Variants in POLR3A observed in about 807,000 individuals in gnomAD.
POLR3A encodes DNA-directed RNA polymerase III subunit RPC1.
In POLR3A, 112 loss-of-function variants were observed where a neutral mutation model predicts 152.8. The observed-to-expected ratio is 0.73, with a 90% CI of 0.63 to 0.86. POLR3A has a LOEUF of 0.86. Ranked by LOEUF, POLR3A falls within the 40% of genes least tolerant of loss-of-function variation. The pLI, the probability that POLR3A is intolerant of heterozygous loss-of-function variation, is 0.00. For missense variants in POLR3A, 1,385 were observed against 1,743.1 expected (o/e 0.79, Z 3.66); for synonymous variants, 615 against 652.1 (o/e 0.94, Z 0.87).
At position 78,022,270 on chromosome 10, in the gene POLR3A, G is replaced by A. The variant is rs141659018; in HGVS notation, c.760C>T (p.Arg254Ter). Residue 254 changes from arginine (R) to a stop codon, truncating the protein, a stop_gained, in exon 6 of 31, where the codon CGA (arginine) becomes TGA (stop). Coordinates refer to ENST00000372371, the MANE Select transcript of POLR3A (RefSeq NM_007055.4). LOFTEE classifies it high-confidence loss of function. Reference sequence around the variant, plus strand: ...ATACACAAAGGAGGCACCAAAAGTCGTGTGAGAATCAAATCAGACGGCTTT... The same window carrying A: ...ATACACAAAGGAGGCACCAAAAGTCATGTGAGAATCAAATCAGACGGCTTT... ...AGKPSDLILT[R>*]LLVPPLCIRP... 87 of 1,614,224 alleles carry A rather than the reference G, an allele frequency of 5.4e-5. No homozygotes were observed. The highest frequency in any genetic ancestry group is 1.6e-4 in the Middle Eastern group (1 of 6,062).
chr10:78,001,048 C>T lies in POLR3A; in HGVS notation c.2406G>A (p.Gln802=), dbSNP rs1847352094. ...ISQMIACVGQ[Q]AISGSRVPDG... ...CTGGCACTCGAGAGCCACTGATGGCCTGCTGTCCCACACAGGCAATCATCT... is the reference window on the plus strand; with the variant it reads ...CTGGCACTCGAGAGCCACTGATGGCTTGCTGTCCCACACAGGCAATCATCT... Residue 802 remains glutamine (Q), a synonymous_variant, in exon 18 of 31, where the codon CAG becomes CAA. Coordinates refer to ENST00000372371, the MANE Select transcript of POLR3A (RefSeq NM_007055.4). 1 of 1,612,240 alleles carries T rather than the reference C, an allele frequency of 6.2e-7. No individual in the cohort carries two copies. The highest frequency in any genetic ancestry group is 1.3e-5 in the African/African-American group (1 of 75,010).
chr10:78,002,710 A>T lies in POLR3A; in HGVS notation c.2248-402T>A, dbSNP rs541951826. On this transcript the variant is annotated intron_variant, in intron 16 of 30. Coordinates refer to ENST00000372371, the MANE Select transcript of POLR3A (RefSeq NM_007055.4). ...CTACCAGGCCTGGCTAATTTTTAAA[A>T]TTTTTTTTGTAGAGATGGGGTCTTG... 1.8e-3 allele frequency among the ~76,000 whole-genome samples: 278 copies of T among 151,828 alleles called. No individual in the cohort carries two copies. The Middle Eastern group carries it at 0.02, about 11-fold the overall frequency.
At chr10:78,004,094 C>T (rs1380315621) in intron 16 of POLR3A, among the ~76,000 whole-genome samples, 1 of 151,930 alleles carries the variant, frequency 6.6e-6, no homozygotes, top group Non-Finnish European at 1.5e-5. Flanking sequence ...ATTAGCTGGT[C>T]ATGGTGGCAT....
At chr10:78,008,494 A>T (rs775950159) in intron 14 of POLR3A, among the ~76,000 whole-genome samples, 7 of 152,206 alleles carry the variant, frequency 4.6e-5, no homozygotes, top group Non-Finnish European at 8.8e-5. Context: ...TTCAGTACAG[A>T]GTCCTGGAGA....
At chr10:78,006,431 A>C (rs1408771114) in intron 15 of POLR3A, among the ~76,000 whole-genome samples, 2 of 151,172 alleles carry the variant, frequency 1.3e-5, no homozygotes, top group Non-Finnish European at 2.9e-5. Context: ...AGAAACAAAA[A>C]CACTACCTGT....
intron 21 of POLR3A, among the ~76,000 whole-genome samples, 193 bp from the exon 22 acceptor site, chr10:77,986,352 C>T (rs933139764): frequency 3.3e-5 from 5 of 152,168 alleles, no homozygotes; most frequent in African/African-American, 1.2e-4. Context: ...CCACACTGTC[C>T]ATACCCCAGA....
intron 19 of POLR3A, among the ~76,000 whole-genome samples, chr10:77,996,747 G>T (rs566054939): frequency 6.6e-6 from 1 of 152,252 alleles, no homozygotes; most frequent in South Asian, 2.1e-4. Flanking sequence ...AGAGGAGCTG[G>T]TACCATTCCT....
chr10:78,025,616 G>A lies in POLR3A; in HGVS notation c.318+6C>T. On this transcript the variant is annotated splice_donor_region_variant and intron_variant, in intron 3 of 30. Transcript: ENST00000372371. ...ATGTCTTGGAAATCAGCACCTGTGT[G>A]CTTACCTGTAAGATGCCTATGACTG... The A allele has an allele frequency of 6.2e-7, 1 of 1,614,020 alleles. No individual in the cohort carries two copies. The highest frequency in any genetic ancestry group is 8.5e-7 in the Non-Finnish European group (1 of 1,179,906).
Position 78,009,472 on chromosome 10 carries a change from G to A in POLR3A, c.1909+65C>T, listed in dbSNP as rs756176663. On this transcript the variant is annotated intron_variant, in intron 14 of 30. Coordinates refer to ENST00000372371, the MANE Select transcript of POLR3A (RefSeq NM_007055.4). Reference sequence around the variant, plus strand: ...GCTTCGCGAAGGTACCAGCAAAGCTGATGACCAGCCACTTGCTTTTCTGTC... The same window carrying A: ...GCTTCGCGAAGGTACCAGCAAAGCTAATGACCAGCCACTTGCTTTTCTGTC... 7 of 1,608,556 alleles carry A rather than the reference G, an allele frequency of 4.4e-6. No homozygotes were observed. The Admixed American group carries it at 8.3e-5, about 19-fold the overall frequency.
chr10:78,028,379 C>T (rs1847657674), intron 1 of POLR3A, among the ~76,000 whole-genome samples: 1 of 152,160 alleles, frequency 6.6e-6, no homozygotes, highest in Admixed American at 6.5e-5. Flanking sequence ...TTGCACTTGT[C>T]GTACCCAGTG....
rs1554837283 is a variant in POLR3A at position 77,978,660 on chromosome 10, G to GGT, written c.4025-1035_4025-1034insAC. On this transcript the variant is annotated intron_variant, in intron 30 of 30. Transcript: ENST00000372371. ...CTCCTTTTCTTTTCCCTTCATGCTA[G>GGT]TTTTTTTTTTTTTTTTTTGAGACGG... Among the ~76,000 whole-genome samples the GGT allele has an allele frequency of 7.2e-3, 971 of 135,716 alleles. 15 individuals are homozygous for GGT. Among genetic ancestry groups the GGT allele is most frequent in the African/African-American group, 0.025 (922 of 36,346 alleles). The allele number at this position is 135,716 out of a possible 152,430, so 89.0% of individuals were successfully genotyped here. A position where few individuals can be genotyped will look rare whatever the true frequency, so the allele number is the denominator to read the frequency against.
rs2559658 is a variant in POLR3A, at chr10:77,985,511, A to G, written c.3072-171T>C. Reference sequence around the variant, plus strand: ...AGCCTGGCATAGACCAGAAATAGGTACAGACAGGGGAAAGTAAAGGTCAGA... The same window carrying G: ...AGCCTGGCATAGACCAGAAATAGGTGCAGACAGGGGAAAGTAAAGGTCAGA... On this transcript the variant is annotated intron_variant, in intron 23 of 30. Coordinates refer to ENST00000372371, the MANE Select transcript of POLR3A (RefSeq NM_007055.4). Among the ~76,000 whole-genome samples the G allele has an allele frequency of 0.86, 131,647 of 152,250 alleles. 57,334 individuals are homozygous for G. The highest frequency in any genetic ancestry group is 0.97 in the African/African-American group (40,110 of 41,562).
At chr10:77,991,001 G>A in intron 21 of POLR3A, 53 bp downstream of exon 21, 2 of 1,006,176 alleles carry the variant, frequency 2.0e-6, no homozygotes, top group Non-Finnish European at 3.2e-6. Context: ...GGCAAACAGA[G>A]TTCTTTACGA....
intron 19 of POLR3A, among the ~76,000 whole-genome samples, chr10:77,995,607 C>T (rs1847292252): frequency 6.6e-6 from 1 of 152,002 alleles, no homozygotes; most frequent in South Asian, 2.1e-4. Flanking sequence ...ACAAGAAGAG[C>T]TAACTATCCT....
intron 19 of POLR3A, among the ~76,000 whole-genome samples, chr10:77,995,538 C>G (rs1847291237): frequency 6.6e-6 from 1 of 151,932 alleles, no homozygotes; most frequent in African/African-American, 2.4e-5. Context: ...AGACTTTAAA[C>G]CAACAAAGAT....
At chr10:78,009,208 T>A (rs1847440472) in intron 14 of POLR3A, among the ~76,000 whole-genome samples, 1 of 151,144 alleles carries the variant, frequency 6.6e-6, no homozygotes, top group Admixed American at 6.6e-5. Flanking sequence ...AAATCCTTGT[T>A]TATTGCCCCC....
intron 21 of POLR3A, among the ~76,000 whole-genome samples, chr10:77,989,936 G>A (rs1290665104): frequency 6.6e-6 from 1 of 152,200 alleles, no homozygotes; most frequent in Non-Finnish European, 1.5e-5. Context: ...ATCTGGAAGA[G>A]TCTCTTTTTC....
rs112788477 is a variant in POLR3A at position 77,980,163 on chromosome 10, G to A, written c.4002C>T (p.Phe1334=). The A allele has an allele frequency of 3.0e-4, 488 of 1,613,798 alleles. No individual in the cohort carries two copies. Among genetic ancestry groups the A allele is most frequent in the Non-Finnish European group, 3.9e-4 (464 of 1,179,846 alleles). The change falls in exon 30 of 31, where the codon TTC becomes TTT. Residue 1334 remains phenylalanine, a synonymous_variant. Transcript: ENST00000372371. ...TADHLFDAAY[F]GQKDSVCGVS... is the part of the protein sequence containing the mutation. ...TACCACACACAGAGTCCTTCTGCCC[G>A]AAGTAGGCAGCGTCAAAGAGATGGT...
At chr10:78,004,985 T>C in intron 15 of POLR3A, 97 bp from the exon 16 acceptor site, 4 of 926,000 alleles carry the variant, frequency 4.3e-6, no homozygotes, top group Non-Finnish European at 3.6e-6. Flanking sequence ...TTGTACTATA[T>C]ATAAACTATG....
Sources: allele counts gnomAD v4.1 joint callset (sites outside exome capture counted in the v4.1 genomes callset), GRCh38; gene constraint gnomAD v4.1.1; transcripts MANE v1.5; gene names NCBI Gene and HGNC (gene_info 2026-07-23, HGNC 2026-07-21).